ZNF148: variants seen among roughly 807,000 people sequenced by gnomAD.
ZNF148 encodes zinc finger protein 148, also known as Beta-Enolase Repressor Factor-1.
In ZNF148, 7 loss-of-function variants were observed where a neutral mutation model predicts 67.7. The observed-to-expected ratio is 0.10, with a 90% confidence interval of 0.06 to 0.19. The LOEUF is 0.19. Among genes scored for constraint, ZNF148 ranks in the 10% least tolerant of loss-of-function variants. ZNF148 has a pLI of 1.00. For synonymous variants in ZNF148, 333 were observed against 330.7 expected (o/e 1.01, Z -0.08); for missense variants, 583 against 947.1 (o/e 0.62, Z 5.05).
chr3:125,322,189 A>C (rs937237307), intron 3 of ZNF148, among the ~76,000 whole-genome samples: 2 of 151,592 alleles, frequency 1.3e-5, no homozygotes, highest in Non-Finnish European at 2.9e-5. Flanking sequence ...ACCACCTCGC[A>C]CGGCTAATTT....
chr3:125,250,279 A>G (rs1422517416), intron 7 of ZNF148, among the ~76,000 whole-genome samples: 1 of 152,190 alleles, frequency 6.6e-6, no homozygotes, highest in Non-Finnish European at 1.5e-5. Flanking sequence ...TACAATTTCC[A>G]TTTGTCAATT....
At chr3:125,331,334 TAA>T in intron 1 of ZNF148, 96 bp from the exon 2 acceptor site, 1 of 396,628 alleles carries the variant, frequency 2.5e-6, no homozygotes, top group East Asian at 3.6e-5. Context: ...TTAAGTGTCC[TAA>T]GTCTACCAAA....
intron 7 of ZNF148, among the ~76,000 whole-genome samples, chr3:125,250,584 C>T (rs887545391): frequency 6.6e-6 from 1 of 152,162 alleles, no homozygotes; most frequent in African/African-American, 2.4e-5. Context: ...CAATAATATG[C>T]CAAATGGCAC....
At chr3:125,267,994 G>A (rs1456627995) in intron 7 of ZNF148, among the ~76,000 whole-genome samples, 1 of 151,476 alleles carries the variant, frequency 6.6e-6, no homozygotes, top group Non-Finnish European at 1.5e-5. Flanking sequence ...CATACCCTAG[G>A]AATACATCTA....
At chr3:125,246,685 G>A (rs867477564) in intron 7 of ZNF148, among the ~76,000 whole-genome samples, 36 of 152,044 alleles carry the variant, frequency 2.4e-4, no homozygotes, top group Non-Finnish European at 2.1e-4. Flanking sequence ...TTGATTATAC[G>A]TACATACTGA....
chr3:125,254,583 C>T (rs762494155), intron 7 of ZNF148, among the ~76,000 whole-genome samples: 4 of 152,130 alleles, frequency 2.6e-5, no homozygotes, highest in Non-Finnish European at 5.9e-5. Context: ...TGAAGACAAC[C>T]CTTTATCATT....
intron 4 of ZNF148, among the ~76,000 whole-genome samples, chr3:125,290,364 C>T (rs1579717944): frequency 6.6e-6 from 1 of 152,212 alleles, no homozygotes; most frequent in East Asian, 1.9e-4. Flanking sequence ...CAATCTTTCC[C>T]TCTTTATTTT....
At position 125,232,204 on chromosome 3, in the gene ZNF148, T is replaced by C; in HGVS notation, c.*137A>G. ...CAAACGAAATGCAGTTATTGGATTA[T>C]CTTGCTATTCATATCAGCTTAACTT... is the stretch of plus-strand genomic sequence containing the variant. On this transcript the variant is annotated 3_prime_UTR_variant, in exon 9 of 9. Transcript: ENST00000360647. This position sits in a 1 kb window ranked among gnomAD's most constrained non-coding sequence, Gnocchi z 4.2. 2 of 1,042,154 alleles carry C rather than the reference T, an allele frequency of 1.9e-6. No individual in the cohort carries two copies. Among genetic ancestry groups the C allele is most frequent in the Non-Finnish European group, 2.7e-6 (2 of 753,266 alleles). The allele number at this position is 1,042,154 out of a possible 1,614,324, so 64.6% of individuals were successfully genotyped here.
At chr3:125,353,116 T>C (rs1942213132) in intron 1 of ZNF148, among the ~76,000 whole-genome samples, 1 of 152,202 alleles carries the variant, frequency 6.6e-6, no homozygotes. Flanking sequence ...GTCCATAACC[T>C]CTTTATTCAT....
chr3:125,225,690 ATT>A lies in ZNF148; in HGVS notation c.*6649_*6650del, dbSNP rs748238907. 1.3e-5 allele frequency: 2 copies of A among 152,120 alleles called. No homozygotes were observed. Among genetic ancestry groups the A allele is most frequent in the Non-Finnish European group, 1.5e-5 (1 of 68,016 alleles). The allele number at this position is 152,120 out of a possible 1,614,324, so 9.4% of individuals were successfully genotyped here. On this transcript the variant is annotated 3_prime_UTR_variant, in exon 9 of 9. Transcript: ENST00000360647. ...TTAATTCAAGTGACTTCAATTTTTT[ATT>A]TTTTCTTATAATCTTTAGAAGATTG...
intron 1 of ZNF148, among the ~76,000 whole-genome samples, chr3:125,366,690 T>C (rs1942714225): frequency 6.6e-6 from 1 of 152,232 alleles, no homozygotes; most frequent in Admixed American, 6.5e-5. Context: ...TATTTCTTAC[T>C]ATAGGTCATA....
intron 7 of ZNF148, among the ~76,000 whole-genome samples, chr3:125,240,464 T>G (rs891541741): frequency 2.6e-5 from 4 of 152,174 alleles, no homozygotes; most frequent in Admixed American, 2.0e-4. Context: ...CTACGGCATT[T>G]CCTTTAACAA....
chr3:125,324,302 T>G (rs1940925925), intron 2 of ZNF148, among the ~76,000 whole-genome samples: 1 of 152,048 alleles, frequency 6.6e-6, no homozygotes, highest in Non-Finnish European at 1.5e-5. Context: ...AACTAACGCA[T>G]GCCAAAACTT....
chr3:125,318,049 TTAA>T (rs1430736962), intron 3 of ZNF148, among the ~76,000 whole-genome samples: 1 of 152,094 alleles, frequency 6.6e-6, no homozygotes, highest in Non-Finnish European at 1.5e-5. Flanking sequence ...AAAGCTACAC[TTAA>T]TAATGAAAGA....
chr3:125,252,185 T>C (rs1936868640), intron 7 of ZNF148, among the ~76,000 whole-genome samples: 2 of 152,150 alleles, frequency 1.3e-5, no homozygotes, highest in South Asian at 4.1e-4. Context: ...TCAGGCTTGG[T>C]TTTTCACCTT....
Position 125,246,027 on chromosome 3 carries a change from T to C in ZNF148, c.668-11698A>G, listed in dbSNP as rs56197467. On this transcript the variant is annotated intron_variant, in intron 7 of 8. Transcript: ENST00000360647. ...CTTTCTTTCTATTCCTAAACTACCA[T>C]GCTTTTTTCTTACCTCCATAATCAT... Among the ~76,000 whole-genome samples, 1,485 of 152,320 alleles carry C rather than the reference T, an allele frequency of 9.7e-3. 30 individuals are homozygous for C. Among genetic ancestry groups the C allele is most frequent in the African/African-American group, 0.033 (1,371 of 41,558 alleles).
At chr3:125,250,594 C>G (rs1445536770) in intron 7 of ZNF148, among the ~76,000 whole-genome samples, 1 of 152,180 alleles carries the variant, frequency 6.6e-6, no homozygotes, top group African/African-American at 2.4e-5. Context: ...CCAAATGGCA[C>G]CCCAGTCATT....
chr3:125,338,429 A>T (rs1941582505), intron 1 of ZNF148, among the ~76,000 whole-genome samples: 1 of 152,114 alleles, frequency 6.6e-6, no homozygotes, highest in Non-Finnish European at 1.5e-5. Context: ...TAAAAATTAA[A>T]GTTTAACACT....
chr3:125,254,813 G>T (rs1018124232), intron 7 of ZNF148, among the ~76,000 whole-genome samples: 4 of 151,980 alleles, frequency 2.6e-5, no homozygotes, highest in African/African-American at 7.2e-5. Context: ...TTACATGAAA[G>T]TATTTAGATT....
Sources: allele counts gnomAD v4.1 joint callset (sites outside exome capture counted in the v4.1 genomes callset), GRCh38; gene constraint gnomAD v4.1.1; non-coding constraint Gnocchi (gnomAD v3.1); transcripts MANE v1.5; gene names NCBI Gene and HGNC (gene_info 2026-07-23, HGNC 2026-07-21).